SDK1: variants seen among roughly 807,000 people sequenced by gnomAD.
SDK1 encodes the protein protein sidekick-1.
A neutral mutation model predicts 245.5 loss-of-function variants in SDK1; 157 were observed. The observed-to-expected ratio is 0.64, with a 90% CI of 0.56 to 0.73. The LOEUF is 0.73. Among genes scored for constraint, SDK1 ranks in the 30% least tolerant of loss-of-function variants. The pLI, the probability that SDK1 is intolerant of heterozygous loss-of-function variation, is 0.00. For synonymous variants in SDK1, 1,647 were observed against 1,278.5 expected (o/e 1.29, Z -6.15); for missense variants, 3,583 against 3,002.3 (o/e 1.19, Z -4.52).
chr7:3,798,211 CTTTTTTTT>C (rs71029699), intron 4 of SDK1, among the ~76,000 whole-genome samples: 4 of 53,648 alleles, frequency 7.5e-5, no homozygotes, highest in African/African-American at 2.1e-4. Flanking sequence ...CCTTGGCACT[CTTTTTTTT>C]TTTTTTTTTT....
At chr7:3,915,245 C>T (rs1473672929) in intron 5 of SDK1, among the ~76,000 whole-genome samples, 1 of 152,200 alleles carries the variant, frequency 6.6e-6, no homozygotes, top group East Asian at 1.9e-4. Flanking sequence ...CTGTAGAAAG[C>T]CAGTGGCTAA....
intron 1 of SDK1, among the ~76,000 whole-genome samples, chr7:3,353,310 G>A (rs1780708970): frequency 6.6e-6 from 1 of 151,966 alleles, no homozygotes; most frequent in African/African-American, 2.4e-5. Flanking sequence ...TCATCTTGGG[G>A]GTTATTTTGA....
At chr7:4,054,108 T>G (rs188372643) in intron 19 of SDK1, among the ~76,000 whole-genome samples, 19 of 152,044 alleles carry the variant, frequency 1.2e-4, no homozygotes, top group Admixed American at 9.2e-4. Flanking sequence ...CTGGCCAATT[T>G]TTTTGTATTT....
intron 4 of SDK1, among the ~76,000 whole-genome samples, chr7:3,718,829 A>G (rs1243805337): frequency 2.0e-5 from 3 of 152,208 alleles, no homozygotes; most frequent in Admixed American, 6.5e-5. Flanking sequence ...AAGGAGGAAT[A>G]AAAGTGTTCT....
intron 1 of SDK1, among the ~76,000 whole-genome samples, chr7:3,474,275 T>C (rs1781278738): frequency 6.6e-6 from 1 of 151,636 alleles, no homozygotes; most frequent in African/African-American, 2.4e-5. Context: ...TTTGTATTTT[T>C]AGTAGAGACG....
chr7:4,205,742 C>T (rs908614801), intron 35 of SDK1, 137 bp from the exon 36 acceptor site: 8 of 715,588 alleles, frequency 1.1e-5, no homozygotes, highest in African/African-American at 3.5e-5. Flanking sequence ...TAAGCCAGGG[C>T]GACGGCCCAG....
At chr7:3,357,779 T>C (rs1046377747) in intron 1 of SDK1, among the ~76,000 whole-genome samples, 2 of 152,144 alleles carry the variant, frequency 1.3e-5, no homozygotes, top group South Asian at 2.1e-4. Flanking sequence ...AGTGACAGTA[T>C]CTTCTCAAAA....
intron 4 of SDK1, among the ~76,000 whole-genome samples, chr7:3,821,048 A>G (rs547093234): frequency 6.6e-6 from 1 of 152,276 alleles, no homozygotes; most frequent in African/African-American, 2.4e-5. Flanking sequence ...AACCACAACT[A>G]ATTCACTTGC....
chr7:3,406,388 A>G (rs1779056382), intron 1 of SDK1, among the ~76,000 whole-genome samples: 1 of 152,062 alleles, frequency 6.6e-6, no homozygotes, highest in Admixed American at 6.6e-5. Flanking sequence ...CTTTCTGTGG[A>G]GTTACTCGTT....
chr7:4,114,134 T>A lies in SDK1; in HGVS notation c.3683T>A (p.Val1228Asp), dbSNP rs1259219002. The change falls in exon 25 of 45, where the codon GTC (valine) becomes GAC (aspartate). Residue 1228 changes from valine to aspartate, a missense_variant. Coordinates refer to ENST00000404826, the MANE Select transcript of SDK1 (RefSeq NM_152744.4). ...CTCCAGTCCTCAGCAGTGGCCCAAG[T>A]CGTCAGTGACCGGCTGGAGAGAGAA... ...SDLQSSAVAQVVSDRLEREFT... is the reference protein window; with the variant it reads ...SDLQSSAVAQDVSDRLEREFT... The A allele has an allele frequency of 1.9e-6, 3 of 1,614,074 alleles. No individual in the cohort carries two copies. Among genetic ancestry groups the A allele is most frequent in the Admixed American group, 1.7e-5 (1 of 60,006 alleles).
intron 1 of SDK1, among the ~76,000 whole-genome samples, chr7:3,421,457 T>C (rs1023376539): frequency 6.6e-6 from 1 of 152,204 alleles, no homozygotes; most frequent in Admixed American, 6.5e-5. Context: ...CCAAAGCCTT[T>C]TAAAACTGCA....
At position 4,233,403 on chromosome 7, in the gene SDK1, C is replaced by G. The variant is rs747944197; in HGVS notation, c.5976C>G (p.Pro1992=). The part of the protein sequence containing the change: ...NEAGYGEPSN[P]STAVSAQVEA... ...CGGGCTACGGGGAGCCCAGCAACCCCTCCACGGCTGTGTCAGGTAGGCCCT... is the reference window on the plus strand; with the variant it reads ...CGGGCTACGGGGAGCCCAGCAACCCGTCCACGGCTGTGTCAGGTAGGCCCT... Residue 1992 remains proline, a synonymous_variant, in exon 41 of 45, where the codon CCC becomes CCG. Coordinates refer to ENST00000404826, the MANE Select transcript of SDK1 (RefSeq NM_152744.4). 1.9e-6 allele frequency: 3 copies of G among 1,612,732 alleles called. No homozygotes were observed. In the East Asian group the frequency reaches 6.7e-5, roughly 36 times the overall value.
At chr7:3,770,283 C>T (rs117006913) in intron 4 of SDK1, among the ~76,000 whole-genome samples, 3,212 of 152,146 alleles carry the variant, frequency 0.021, 47 homozygotes, top group Admixed American at 0.033. Context: ...AATGGCTATA[C>T]GTATTAATAA....
chr7:4,151,754 C>G (rs1780396726), intron 30 of SDK1, among the ~76,000 whole-genome samples: 1 of 152,222 alleles, frequency 6.6e-6, no homozygotes, highest in Non-Finnish European at 1.5e-5. Context: ...ACATGCAGCC[C>G]AGACTTCTCA....
At chr7:3,812,736 T>C (rs1040342281) in intron 4 of SDK1, among the ~76,000 whole-genome samples, 2 of 152,198 alleles carry the variant, frequency 1.3e-5, no homozygotes, top group Admixed American at 6.5e-5. Context: ...ACTTACCCTT[T>C]CCTGAAGAAT....
chr7:3,519,018 C>T (rs1016710708), intron 1 of SDK1, among the ~76,000 whole-genome samples: 24 of 151,720 alleles, frequency 1.6e-4, no homozygotes, highest in Non-Finnish European at 8.8e-5. Flanking sequence ...AACTGGAGGG[C>T]ATTATGTTTC....
chr7:3,513,868 G>T (rs1269176403), intron 1 of SDK1, among the ~76,000 whole-genome samples: 1 of 152,076 alleles, frequency 6.6e-6, no homozygotes, highest in Non-Finnish European at 1.5e-5. Context: ...TCATTTATAC[G>T]TAAGGATATG....
At chr7:3,574,486 G>A (rs771705535) in intron 1 of SDK1, among the ~76,000 whole-genome samples, 4 of 152,012 alleles carry the variant, frequency 2.6e-5, no homozygotes, top group Non-Finnish European at 4.4e-5. Context: ...CAGAACGTAG[G>A]TTTAAGGTAA....
At chr7:3,846,495 TC>T (rs1204909306) in intron 5 of SDK1, among the ~76,000 whole-genome samples, 2 of 152,150 alleles carry the variant, frequency 1.3e-5, no homozygotes, top group Admixed American at 6.5e-5. Context: ...CGGACTGCCT[TC>T]CCCAAGGCCC....
Sources: allele counts gnomAD v4.1 joint callset (sites outside exome capture counted in the v4.1 genomes callset), GRCh38; gene constraint gnomAD v4.1.1; transcripts MANE v1.5; gene names NCBI Gene and HGNC (gene_info 2026-07-23, HGNC 2026-07-21).